The following DAB1 variants were observed in gnomAD, a reference collection of about 807,000 sequenced individuals.
DAB1 encodes disabled homolog 1.
DAB1 carries 15 observed loss-of-function variants against 64.6 expected under a neutral mutation model. The ratio of observed to expected loss-of-function variants is 0.23; its 90% CI spans 0.16 to 0.36. The LOEUF is 0.36. Among genes scored for constraint, DAB1 ranks in the 10% least tolerant of loss-of-function variants. DAB1 has a pLI of 1.00. For synonymous variants in DAB1, 235 were observed against 251.9 expected (o/e 0.93, Z 0.64); for missense variants, 596 against 706.7 (o/e 0.84, Z 1.78).
intron 1 of DAB1, among the ~76,000 whole-genome samples, chr1:58,540,054 C>T (rs1450448000): frequency 6.6e-6 from 1 of 152,074 alleles, no homozygotes; most frequent in Non-Finnish European, 1.5e-5. Flanking sequence ...GAAAAGATTG[C>T]AGGGAATAAT....
chr1:58,470,116 CTTTATTTATTTATTTATTTA>C (rs72061301), intron 3 of DAB1, among the ~76,000 whole-genome samples: 134 of 145,082 alleles, frequency 9.2e-4, no homozygotes, highest in East Asian at 1.4e-3. Context: ...GGGACTTTCT[CTTTATTTATTTATTTATTTA>C]TTTATTTATT....
chr1:57,099,100 G>T (rs1654434906), intron 4 of DAB1, among the ~76,000 whole-genome samples: 2 of 152,174 alleles, frequency 1.3e-5, no homozygotes, highest in African/African-American at 4.8e-5. Context: ...GAACTCACTG[G>T]TTCCACCATT....
At chr1:58,197,867 C>A (rs1657775419) in intron 4 of DAB1, among the ~76,000 whole-genome samples, 1 of 152,074 alleles carries the variant, frequency 6.6e-6, no homozygotes, top group Non-Finnish European at 1.5e-5. Context: ...GAAATTGAGC[C>A]CCAGGCATAA....
chr1:57,475,741 A>G (rs1012536678), intron 7 of DAB1, among the ~76,000 whole-genome samples: 2 of 152,202 alleles, frequency 1.3e-5, no homozygotes, highest in African/African-American at 4.8e-5. Context: ...TTACCGGCCA[A>G]CGCCATCCTC....
At chr1:58,248,822 A>G (rs1252601361) in intron 4 of DAB1, among the ~76,000 whole-genome samples, 1 of 152,198 alleles carries the variant, frequency 6.6e-6, no homozygotes, top group African/African-American at 2.4e-5. Context: ...ACTCTGCAGC[A>G]GAACTTCCCA....
chr1:58,175,917 C>T (rs992135660), intron 4 of DAB1, among the ~76,000 whole-genome samples: 1 of 152,136 alleles, frequency 6.6e-6, no homozygotes, highest in Non-Finnish European at 1.5e-5. Context: ...AAATATATAA[C>T]CAAGGTTTTA....
At chr1:57,031,445 A>AACT (rs1646964028) in intron 9 of DAB1, among the ~76,000 whole-genome samples, 1 of 152,222 alleles carries the variant, frequency 6.6e-6, no homozygotes, top group African/African-American at 2.4e-5. Flanking sequence ...AACACTTTAT[A>AACT]GTTTGCAATA....
intron 3 of DAB1, among the ~76,000 whole-genome samples, chr1:58,445,067 C>G (rs1490009363): frequency 6.6e-6 from 1 of 152,148 alleles, no homozygotes; most frequent in Non-Finnish European, 1.5e-5. Flanking sequence ...TTCCCTGGGG[C>G]TAAGGGATTG....
intron 7 of DAB1, among the ~76,000 whole-genome samples, chr1:57,460,363 T>C (rs914707446): frequency 6.6e-6 from 1 of 152,196 alleles, no homozygotes; most frequent in Non-Finnish European, 1.5e-5. Flanking sequence ...CCATTTCCAC[T>C]GGACACTCAA....
intron 7 of DAB1, among the ~76,000 whole-genome samples, chr1:57,445,179 A>G (rs954689358): frequency 2.0e-5 from 3 of 152,110 alleles, no homozygotes; most frequent in Non-Finnish European, 4.4e-5. Context: ...TCATTTATTT[A>G]TTATTATTTA....
intron 2 of DAB1, among the ~76,000 whole-genome samples, chr1:57,187,333 T>C (rs1416160740): frequency 6.6e-6 from 1 of 152,220 alleles, no homozygotes; most frequent in Admixed American, 6.5e-5. Flanking sequence ...ACAACATTCC[T>C]TATTATGTAG....
intron 3 of DAB1, among the ~76,000 whole-genome samples, chr1:58,425,016 G>A (rs1175733292): frequency 1.3e-5 from 2 of 152,148 alleles, no homozygotes; most frequent in Non-Finnish European, 1.5e-5. Context: ...CTCCGTAATG[G>A]ACATTTGTCA....
intron 5 of DAB1, among the ~76,000 whole-genome samples, chr1:58,037,226 G>T (rs1391003979): frequency 6.6e-6 from 1 of 152,134 alleles, no homozygotes; most frequent in African/African-American, 2.4e-5. Context: ...GAGGCACCTG[G>T]GAGGGTATTT....
chr1:57,665,812 G>T (rs1156749552), intron 6 of DAB1, among the ~76,000 whole-genome samples: 3 of 149,522 alleles, frequency 2.0e-5, no homozygotes, highest in Non-Finnish European at 4.4e-5. Flanking sequence ...TGGGTTACAG[G>T]ATTGGTTTTT....
chr1:58,129,958 A>G (rs1269888769), intron 5 of DAB1, among the ~76,000 whole-genome samples: 4 of 145,914 alleles, frequency 2.7e-5, no homozygotes, highest in Non-Finnish European at 6.0e-5. Flanking sequence ...AGAGTTCTGT[A>G]GATGTCTATT....
intron 6 of DAB1, among the ~76,000 whole-genome samples, chr1:57,778,107 T>G (rs1649900571): frequency 6.6e-6 from 1 of 152,052 alleles, no homozygotes; most frequent in South Asian, 2.1e-4. Context: ...GGCTTAGAAT[T>G]CTCTAGTTGT....
At chr1:57,618,462 A>G (rs1645816139) in intron 7 of DAB1, among the ~76,000 whole-genome samples, 1 of 149,036 alleles carries the variant, frequency 6.7e-6, no homozygotes, top group South Asian at 2.1e-4. Context: ...GTCTTCCTTT[A>G]GGGGTTGGCT....
intron 1 of DAB1, among the ~76,000 whole-genome samples, chr1:57,385,811 T>A (rs944167931): frequency 3.3e-5 from 5 of 152,212 alleles, no homozygotes; most frequent in African/African-American, 1.2e-4. Flanking sequence ...CAAGGTACCA[T>A]GGAGTCTACC....
At chr1:58,213,519 A>C (rs1570491750) in intron 4 of DAB1, among the ~76,000 whole-genome samples, 1 of 152,038 alleles carries the variant, frequency 6.6e-6, no homozygotes, top group Non-Finnish European at 1.5e-5. Context: ...GGCCGGGAAG[A>C]GCCCCTTATA....
Sources: gnomAD v4.1 joint callset for allele counts (sites outside exome capture counted in the v4.1 genomes callset) on GRCh38, gnomAD v4.1.1 for gene constraint, MANE v1.5 for transcripts, NCBI Gene and HGNC (gene_info 2026-07-23, HGNC 2026-07-21) for gene names.